The following EXOC7 variants were observed in gnomAD, a reference collection of about 807,000 sequenced individuals.
EXOC7 encodes exocyst complex component Exo70.
EXOC7 carries 51 observed loss-of-function variants against 87.6 expected under a neutral mutation model. The ratio of observed to expected loss-of-function variants is 0.58; its 90% CI spans 0.46 to 0.73. The LOEUF is 0.73. EXOC7 is among the 30% of genes least tolerant of loss of function. The probability of loss-of-function intolerance (pLI) is 0.00; values close to 1 mark genes in which losing one functional copy is unlikely to be tolerated. For synonymous variants in EXOC7, 327 were observed against 357.1 expected, an observed-to-expected ratio of 0.92 and a Z score of 0.95; for missense variants, 744 against 888.4, an observed-to-expected ratio of 0.84 and a Z score of 2.07.
chr17:76,086,790 C>T, intron 12 of EXOC7: 1 of 1,466,216 alleles, frequency 6.8e-7, no homozygotes, highest in Non-Finnish European at 9.3e-7. Context: ...GAGTCAGTCC[C>T]CAGGGAACCT....
chr17:76,088,558 G>A lies in EXOC7; in HGVS notation c.1205C>T (p.Thr402Met), dbSNP rs144278180. 1.0e-4 allele frequency: 163 copies of A among 1,612,994 alleles called. No homozygotes were observed. The East Asian group carries it at 2.9e-3, about 28-fold the overall frequency. ...KPEFDQVLQG[T>M]AASTKNKLPG... is the part of the protein sequence containing the mutation. ...CAGCTTGTTCTTTGTGCTGGCAGCC[G>A]TGCCCTGAGGAAGCACAGGGGAGCC... Residue 402 changes from threonine to methionine, a missense_variant, in exon 10 of 19, where the codon ACG (threonine) becomes ATG (methionine). Thr to Met is a moderately conservative substitution (Grantham distance 81). Transcript: ENST00000589210.
intron 6 of EXOC7, chr17:76,092,472 A>T: frequency 6.6e-6 from 1 of 151,130 alleles, no homozygotes; most frequent in Non-Finnish European, 1.5e-5. Context: ...TTTTTTTTCT[A>T]TTTTTAGTAG....
intron 1 of EXOC7, 92 bp downstream of exon 1, chr17:76,103,541 C>T: frequency 2.5e-6 from 4 of 1,577,740 alleles, no homozygotes; most frequent in East Asian, 4.6e-5. Flanking sequence ...GCGCTCCCTC[C>T]CACCCCTGCC....
chr17:76,085,952 T>C, intron 13 of EXOC7, 128 bp downstream of exon 13: 5 of 1,510,868 alleles, frequency 3.3e-6, no homozygotes, highest in Non-Finnish European at 4.5e-6. Flanking sequence ...GAGGTCAGGT[T>C]GTGGTTCCAA....
At chr17:76,088,984 G>C (rs577400432) in intron 8 of EXOC7, 61 bp from the exon 9 acceptor site, 2 of 1,566,138 alleles carry the variant, frequency 1.3e-6, no homozygotes, top group South Asian at 2.2e-5. Context: ...TTCTGGGCTA[G>C]TGGGGGATCC....
At chr17:76,089,483 C>T (rs1036153739) in intron 7 of EXOC7, 163 bp from the exon 8 acceptor site, 10 of 828,462 alleles carry the variant, frequency 1.2e-5, no homozygotes, top group East Asian at 8.1e-5. Context: ...CAGCAGGCCC[C>T]GCCAGGTTCG....
chr17:76,087,291 T>C, intron 12 of EXOC7: 1 of 389,942 alleles, frequency 2.6e-6, no homozygotes, highest in Non-Finnish European at 4.7e-6. Flanking sequence ...TGCTACCCTC[T>C]GAAGGCCAGC....
In EXOC7 at chr17:76,082,802, T is replaced by G. The variant is rs1459163945; in HGVS notation, c.*846A>C. On this transcript the variant is annotated 3_prime_UTR_variant, in exon 19 of 19. Coordinates refer to ENST00000589210, the MANE Select transcript of EXOC7 (RefSeq NM_001013839.4). ...GAGCGTGAAATAAACCCATCTCCAGTGCAAGTGTGCCTCAAGGGTCAGTCT... is the reference window on the plus strand; with the variant it reads ...GAGCGTGAAATAAACCCATCTCCAGGGCAAGTGTGCCTCAAGGGTCAGTCT... 1.4e-6 allele frequency: 1 copy of G among 717,266 alleles called. No homozygotes were observed. Among genetic ancestry groups the G allele is most frequent in the Non-Finnish European group, 2.1e-6 (1 of 477,766 alleles). The allele number at this position is 717,266 out of a possible 1,614,324, so 44.4% of individuals were successfully genotyped here.
intron 7 of EXOC7, chr17:76,089,638 G>A (rs565558072): frequency 9.5e-5 from 39 of 411,650 alleles, no homozygotes; most frequent in South Asian, 7.8e-4. Flanking sequence ...CCTGGATAAG[G>A]TGGTTTGACC....
chr17:76,081,265 TC>T lies in EXOC7; in HGVS notation c.*2382del. 1 of 1,613,130 alleles carries T rather than the reference TC, an allele frequency of 6.2e-7. No homozygotes were observed. The highest frequency in any genetic ancestry group is 1.7e-5 in the Admixed American group (1 of 60,002). ...CTCCTTCCTGGTTCATAGTTCTCAT[TC>T]CCACCCCTCAGCGATGGAGTTAGAG... On this transcript the variant is annotated 3_prime_UTR_variant, in exon 19 of 19. Coordinates refer to ENST00000589210, the MANE Select transcript of EXOC7 (RefSeq NM_001013839.4).
intron 2 of EXOC7, among the ~76,000 whole-genome samples, chr17:76,102,885 G>A (rs1348958298): frequency 6.6e-6 from 1 of 152,122 alleles, no homozygotes; most frequent in East Asian, 1.9e-4. Flanking sequence ...TTACCTATCA[G>A]GAGCCGCACA....
intron 3 of EXOC7, 39 bp from the exon 4 acceptor site, chr17:76,101,415 G>T (rs765797203): frequency 6.2e-7 from 1 of 1,610,654 alleles, no homozygotes; most frequent in Admixed American, 1.7e-5. Flanking sequence ...GGGGCATGGG[G>T]GATGAAGAAG....
At chr17:76,086,917 C>A in intron 12 of EXOC7, 1 of 1,545,332 alleles carries the variant, frequency 6.5e-7, no homozygotes, top group South Asian at 1.2e-5. Flanking sequence ...GCAGTGCACA[C>A]AGAGGGGACA....
At chr17:76,087,142 A>C in intron 12 of EXOC7, 3 of 470,522 alleles carry the variant, frequency 6.4e-6, no homozygotes, top group East Asian at 4.1e-5. Flanking sequence ...TTGCCCCCAA[A>C]ATGGGACGGG....
intron 10 of EXOC7, 127 bp downstream of exon 10, chr17:76,088,337 G>T: frequency 9.8e-7 from 1 of 1,025,186 alleles, no homozygotes; most frequent in Non-Finnish European, 1.5e-6. Flanking sequence ...GTGCTGACAG[G>T]CCAGTGGCGC....
chr17:76,096,071 T>C (rs2067731178), intron 5 of EXOC7, among the ~76,000 whole-genome samples: 1 of 152,172 alleles, frequency 6.6e-6, no homozygotes. Context: ...TCTGCCGAGC[T>C]GTCATCAGCT....
rs529442791 is a variant in EXOC7, at chr17:76,098,046, G to A, written c.418-28C>T. 17 of 1,596,716 alleles carry A rather than the reference G, an allele frequency of 1.1e-5. No homozygotes were observed. In the Admixed American group the frequency reaches 1.3e-4, roughly 13 times the overall value. On this transcript the variant is annotated intron_variant, in intron 4 of 18. Transcript: ENST00000589210. ...GCACAGACAACAGAAGGAAGCAGGT[G>A]CCTGCTGCTTCAGTGTTCTGCCAGT...
chr17:76,095,119 AC>A (rs2067687824), intron 5 of EXOC7, among the ~76,000 whole-genome samples: 1 of 149,668 alleles, frequency 6.7e-6, no homozygotes, highest in Non-Finnish European at 1.5e-5. Context: ...AGCCACTACC[AC>A]CCAGCTAATT....
chr17:76,082,569 T>A lies in EXOC7; in HGVS notation c.*1079A>T, dbSNP rs1323845843. On this transcript the variant is annotated 3_prime_UTR_variant, in exon 19 of 19. Coordinates refer to ENST00000589210, the MANE Select transcript of EXOC7 (RefSeq NM_001013839.4). Reference sequence around the variant, plus strand: ...GGGTGCTGTGCACCCAATTCGTCTTTGCAGGAATCTGGATGTGGGCAGCGT... The same window carrying A: ...GGGTGCTGTGCACCCAATTCGTCTTAGCAGGAATCTGGATGTGGGCAGCGT... 4 of 1,613,708 alleles carry A rather than the reference T, an allele frequency of 2.5e-6. No individual in the cohort carries two copies. Among genetic ancestry groups the A allele is most frequent in the Non-Finnish European group, 3.4e-6 (4 of 1,179,898 alleles).
Sources: allele counts gnomAD v4.1 joint callset (sites outside exome capture counted in the v4.1 genomes callset), GRCh38; gene constraint gnomAD v4.1.1; transcripts MANE v1.5; gene names NCBI Gene and HGNC (gene_info 2026-07-23, HGNC 2026-07-21).